The following ZNF69 variants were observed in gnomAD, a reference collection of about 807,000 sequenced individuals.
ZNF69 encodes the protein zinc finger protein 69.
Under a neutral mutation model 50.9 loss-of-function variants are expected in ZNF69, and 47 were observed. The observed-to-expected ratio is 0.92, with a 90% CI of 0.73 to 1.18. The LOEUF (loss-of-function observed/expected upper bound fraction) is 1.18. ZNF69 is among the 50% of genes most tolerant of loss of function. The probability of loss-of-function intolerance (pLI) is 0.00; values close to 1 mark genes in which losing one functional copy is unlikely to be tolerated. For synonymous variants in ZNF69, 216 were observed against 223.1 expected, an observed-to-expected ratio of 0.97 and a Z score of 0.29; for missense variants, 717 against 675.1, an observed-to-expected ratio of 1.06 and a Z score of -0.69.
the ZNF69 span, among the ~76,000 whole-genome samples, chr19:11,938,026 A>G: frequency 7.9e-5 from 12 of 152,218 alleles, no homozygotes; most frequent in East Asian, 2.1e-3. Flanking sequence ...AAATGGGCTA[A>G]GGCTTGTCAG....
the ZNF69 span, among the ~76,000 whole-genome samples, chr19:11,945,338 T>C: frequency 6.6e-6 from 1 of 152,204 alleles, no homozygotes; most frequent in Non-Finnish European, 1.5e-5. Flanking sequence ...TGGTTTTAGG[T>C]TGCAATAGGC....
At chr19:11,935,356 C>T in the ZNF69 span, among the ~76,000 whole-genome samples, 1 of 150,544 alleles carries the variant, frequency 6.6e-6, no homozygotes, top group Admixed American at 6.6e-5. Flanking sequence ...TCTGCCTCAG[C>T]CTCCAGAGTA....
the ZNF69 span, among the ~76,000 whole-genome samples, chr19:11,954,676 C>G: frequency 8.5e-4 from 130 of 152,184 alleles, 2 homozygotes; most frequent in Admixed American, 7.5e-3. Flanking sequence ...ACAAAAAATA[C>G]AAAAAATTAG....
At chr19:11,902,383 T>C (rs1222483900) in intron 1 of ZNF69, among the ~76,000 whole-genome samples, 6 of 152,144 alleles carry the variant, frequency 3.9e-5, no homozygotes, top group Admixed American at 3.9e-4. Context: ...GGTGGCTGCA[T>C]TGCTCATTAC....
At chr19:11,977,279 G>T in the ZNF69 span, 1 of 1,603,820 alleles carries the variant, frequency 6.2e-7, no homozygotes, top group Non-Finnish European at 8.5e-7. Context: ...AATAAATGAG[G>T]CATGGCTGCA....
chr19:11,961,320 A>C, the ZNF69 span, among the ~76,000 whole-genome samples: 1 of 152,198 alleles, frequency 6.6e-6, no homozygotes, highest in African/African-American at 2.4e-5. Context: ...TTCACTAGGA[A>C]CAAAATTGCT....
the ZNF69 span, among the ~76,000 whole-genome samples, chr19:11,943,351 C>G: frequency 6.6e-6 from 1 of 152,180 alleles, no homozygotes; most frequent in Admixed American, 6.5e-5. Context: ...TAGGGCCAGT[C>G]TATTTTGATA....
the ZNF69 span, among the ~76,000 whole-genome samples, chr19:11,968,836 T>C: frequency 6.6e-6 from 1 of 152,034 alleles, no homozygotes; most frequent in African/African-American, 2.4e-5. Context: ...CCTGGCAACA[T>C]AGTGAGACCC....
At chr19:11,970,447 G>A in the ZNF69 span, among the ~76,000 whole-genome samples, 1 of 152,210 alleles carries the variant, frequency 6.6e-6, no homozygotes, top group Non-Finnish European at 1.5e-5. Context: ...TAAAGAAAAT[G>A]CATGCTAAGG....
chr19:11,951,882 G>T, the ZNF69 span, among the ~76,000 whole-genome samples: 1 of 152,190 alleles, frequency 6.6e-6, no homozygotes, highest in Non-Finnish European at 1.5e-5. Flanking sequence ...AATGGTAAAA[G>T]CCTTGGCCTT....
chr19:11,926,859 C>T, the ZNF69 span, among the ~76,000 whole-genome samples: 1 of 152,096 alleles, frequency 6.6e-6, no homozygotes, highest in Non-Finnish European at 1.5e-5. Flanking sequence ...AGAGTTTATT[C>T]AAGCGGAAGG....
the ZNF69 span, among the ~76,000 whole-genome samples, chr19:11,975,004 A>G: frequency 1.6e-4 from 24 of 152,200 alleles, no homozygotes; most frequent in Non-Finnish European, 3.5e-4. Flanking sequence ...AGAAATCTAC[A>G]TAAGTTCTCT....
the ZNF69 span, chr19:11,925,103 C>G: frequency 4.4e-6 from 6 of 1,354,106 alleles, no homozygotes; most frequent in Non-Finnish European, 6.2e-6. Context: ...GAGGGGGTCG[C>G]TTTCCTCACC....
the ZNF69 span, among the ~76,000 whole-genome samples, chr19:11,940,590 G>A: frequency 0.04 from 6,112 of 152,156 alleles, 151 homozygotes; most frequent in Middle Eastern, 0.061. Context: ...GCTCATAAAA[G>A]CAGCGTGGAC....
chr19:11,938,070 C>T, the ZNF69 span, among the ~76,000 whole-genome samples: 1 of 151,824 alleles, frequency 6.6e-6, no homozygotes. Flanking sequence ...TCATTCTTGT[C>T]GTTTTTTGTT....
chr19:11,903,471 C>A (rs189238046), intron 1 of ZNF69, 102 bp from the exon 2 acceptor site: 327 of 1,547,948 alleles, frequency 2.1e-4, no homozygotes, highest in Non-Finnish European at 2.5e-4. Context: ...ATCTGATGAC[C>A]CTTGGAGTCC....
chr19:11,963,962 G>T, the ZNF69 span, among the ~76,000 whole-genome samples: 1 of 152,204 alleles, frequency 6.6e-6, no homozygotes, highest in Non-Finnish European at 1.5e-5. Context: ...AATTTTCCTC[G>T]CCCATTTTAT....
the ZNF69 span, chr19:11,946,982 CT>C: frequency 2.8e-5 from 29 of 1,045,294 alleles, no homozygotes; most frequent in Admixed American, 1.0e-3. Flanking sequence ...GAGTGAAACT[CT>C]GTCTCAAAAA....
chr19:11,976,791 C>T, the ZNF69 span: 71 of 1,105,034 alleles, frequency 6.4e-5, 1 homozygote, highest in Middle Eastern at 3.4e-4. Context: ...GCTTGAACCC[C>T]GGTCATGAGC....
Sources: gnomAD v4.1 joint callset for allele counts (sites outside exome capture counted in the v4.1 genomes callset) on GRCh38, gnomAD v4.1.1 for gene constraint, MANE v1.5 for transcripts, NCBI Gene and HGNC (gene_info 2026-07-23, HGNC 2026-07-21) for gene names.